Variants in SOX5 observed in about 807,000 individuals in gnomAD.
SOX5 encodes SRY-box transcription factor 5, also known as transcription factor SOX-5.
A neutral mutation model predicts 92.0 loss-of-function variants in SOX5; 9 were observed. The ratio of observed to expected loss-of-function variants is 0.10; its 90% CI spans 0.06 to 0.17. SOX5 has a LOEUF of 0.17. Among genes scored for constraint, SOX5 ranks in the 10% least tolerant of loss-of-function variants. The probability of loss-of-function intolerance (pLI) is 1.00; values close to 1 mark genes in which losing one functional copy is unlikely to be tolerated. For synonymous variants in SOX5, 344 were observed against 336.3 expected, an observed-to-expected ratio of 1.02 and a Z score of -0.25; for missense variants, 642 against 944.5, an observed-to-expected ratio of 0.68 and a Z score of 4.20.
Position 23,769,534 on chromosome 12 carries a change from T to C in SOX5, c.482-13810A>G, listed in dbSNP as rs113686512. ...TCACCAGCAGCTCTAGGCTCTCCAG[T>C]TGGACACCTACAATTTACTAAATTA... On this transcript the variant is annotated intron_variant, in intron 3 of 14. Transcript: ENST00000451604. 9.8e-3 allele frequency among the ~76,000 whole-genome samples: 1,499 copies of C among 152,278 alleles called. 28 individuals carry two copies. The highest frequency in any genetic ancestry group is 0.034 in the African/African-American group (1,408 of 41,546).
intron 11 of SOX5, among the ~76,000 whole-genome samples, chr12:23,561,799 C>G (rs1946249066): frequency 7.6e-6 from 1 of 131,656 alleles, no homozygotes; most frequent in Admixed American, 8.7e-5. Context: ...AGAGTTGTCT[C>G]TGCTTTGGAG....
At chr12:23,785,889 C>A in intron 3 of SOX5, among the ~76,000 whole-genome samples, 1 of 151,942 alleles carries the variant, frequency 6.6e-6, no homozygotes, top group Non-Finnish European at 1.5e-5. Flanking sequence ...AGATTTTTTT[C>A]ATGGTGTTGT....
intron 4 of SOX5, among the ~76,000 whole-genome samples, chr12:24,065,625 G>A (rs1243590415): frequency 2.4e-5 from 3 of 126,736 alleles, no homozygotes; most frequent in African/African-American, 3.1e-5. Context: ...CCAGCCTGGC[G>A]ACAGAGCGAG....
chr12:23,982,990 G>T (rs1949723739), intron 4 of SOX5, among the ~76,000 whole-genome samples: 1 of 151,890 alleles, frequency 6.6e-6, no homozygotes, highest in Non-Finnish European at 1.5e-5. Context: ...GCCTTCACCA[G>T]CACTTTTCAG....
intron 4 of SOX5, among the ~76,000 whole-genome samples, chr12:23,960,539 A>ATATACATATATATT (rs1946808357): frequency 1.5e-5 from 2 of 133,868 alleles, no homozygotes; most frequent in African/African-American, 5.9e-5. Context: ...ACATATATAT[A>ATATACATATATATT]TATATATGAA....
intron 2 of SOX5, among the ~76,000 whole-genome samples, chr12:23,868,895 ACTC>A (rs1412631862): frequency 6.6e-6 from 1 of 152,026 alleles, no homozygotes; most frequent in Non-Finnish European, 1.5e-5. Context: ...ACCTCTTATG[ACTC>A]CTCAACAACT....
At chr12:24,065,331 G>A (rs1188245023) in intron 4 of SOX5, among the ~76,000 whole-genome samples, 1 of 152,174 alleles carries the variant, frequency 6.6e-6, no homozygotes, top group African/African-American at 2.4e-5. Context: ...AGTAAAGGTT[G>A]TGGATACAAA....
intron 3 of SOX5, among the ~76,000 whole-genome samples, chr12:23,782,036 C>T (rs1330541867): frequency 6.6e-6 from 1 of 151,882 alleles, no homozygotes; most frequent in Non-Finnish European, 1.5e-5. Flanking sequence ...AATTCCATAG[C>T]ATTACACTCA....
chr12:23,612,112 C>T (rs11047003), intron 8 of SOX5, among the ~76,000 whole-genome samples: 325 of 151,688 alleles, frequency 2.1e-3, no homozygotes, highest in African/African-American at 7.4e-3. Context: ...TATTTTTATA[C>T]GTATTATCCT....
intron 14 of SOX5, among the ~76,000 whole-genome samples, chr12:23,536,072 T>C (rs1317352859): frequency 6.6e-6 from 1 of 152,236 alleles, no homozygotes; most frequent in Non-Finnish European, 1.5e-5. Context: ...GCTTTTGAAA[T>C]GATTTTTATT....
At chr12:24,161,358 A>G (rs1459521238) in intron 4 of SOX5, among the ~76,000 whole-genome samples, 3 of 152,098 alleles carry the variant, frequency 2.0e-5, no homozygotes, top group Non-Finnish European at 4.4e-5. Context: ...TAGCTACTAT[A>G]TCAAGCAGAA....
intron 4 of SOX5, among the ~76,000 whole-genome samples, chr12:24,008,349 G>T (rs1156591251): frequency 6.6e-6 from 1 of 152,104 alleles, no homozygotes; most frequent in Non-Finnish European, 1.5e-5. Context: ...CGACTATTAT[G>T]ATTGTTTCTG....
intron 2 of SOX5, among the ~76,000 whole-genome samples, chr12:24,286,492 T>C (rs1945878094): frequency 6.6e-6 from 1 of 152,198 alleles, no homozygotes; most frequent in African/African-American, 2.4e-5. Flanking sequence ...AGAGTAAGAC[T>C]AGATATATTG....
intron 1 of SOX5, among the ~76,000 whole-genome samples, chr12:24,454,658 C>A (rs1596852570): frequency 6.6e-6 from 1 of 152,100 alleles, no homozygotes; most frequent in East Asian, 1.9e-4. Context: ...TTAAAAATTT[C>A]TTCTTCAATG....
chr12:23,845,871 T>C (rs2096569515), intron 3 of SOX5, 112 bp downstream of exon 3: 8 of 852,230 alleles, frequency 9.4e-6, no homozygotes, highest in Admixed American at 8.3e-5. Context: ...TAGGTTTCCA[T>C]CTTGCCCAAT....
upstream of SOX5, chr12:23,951,030 A>G (rs1595870467): frequency 1.6e-6 from 1 of 635,936 alleles, no homozygotes; most frequent in Non-Finnish European, 2.8e-6. Context: ...CTCCACTCCT[A>G]CTGGGAGGGT....
chr12:24,333,974 C>T (rs535290014), intron 2 of SOX5, among the ~76,000 whole-genome samples: 2 of 151,204 alleles, frequency 1.3e-5, no homozygotes, highest in African/African-American at 4.8e-5. Flanking sequence ...TTAATAAAAA[C>T]CAATGGAATC....
intron 7 of SOX5, among the ~76,000 whole-genome samples, chr12:23,652,532 T>TTTTTTTTTTTTA (rs2081731693): frequency 2.0e-5 from 3 of 151,372 alleles, no homozygotes; most frequent in African/African-American, 7.3e-5. Context: ...TTTTTTTTTT[T>TTTTTTTTTTTTA]GAGCAATTCT....
chr12:23,652,567 C>G (rs1423138141), intron 7 of SOX5, among the ~76,000 whole-genome samples: 1 of 150,656 alleles, frequency 6.6e-6, no homozygotes, highest in Non-Finnish European at 1.5e-5. Context: ...CAATAAGCTC[C>G]ACCTTCACAT....
Sources: allele counts gnomAD v4.1 joint callset (sites outside exome capture counted in the v4.1 genomes callset), GRCh38; gene constraint gnomAD v4.1.1; transcripts MANE v1.5; gene names NCBI Gene and HGNC (gene_info 2026-07-23, HGNC 2026-07-21).